Variants in GUCY1B1 observed in about 807,000 individuals in gnomAD.
GUCY1B1 encodes guanylate cyclase soluble subunit beta-1.
A neutral mutation model predicts 71.0 loss-of-function variants in GUCY1B1; 43 were observed. The observed-to-expected ratio is 0.61, with a 90% CI of 0.47 to 0.78. The LOEUF is 0.78. Among genes scored for constraint, GUCY1B1 ranks in the 30% least tolerant of loss-of-function variants. The pLI is 0.00. For missense variants in GUCY1B1, 535 were observed against 754.1 expected, an observed-to-expected ratio of 0.71 and a Z score of 3.40; for synonymous variants, 266 against 259.7, an observed-to-expected ratio of 1.02 and a Z score of -0.23.
At chr4:155,795,926 G>C (rs1467929527) in intron 7 of GUCY1B1, among the ~76,000 whole-genome samples, 1 of 152,074 alleles carries the variant, frequency 6.6e-6, no homozygotes, top group Non-Finnish European at 1.5e-5. Context: ...CACGGTTTCT[G>C]TTCTTGGGAT....
chr4:155,777,437 A>G, intron 3 of GUCY1B1, 87 bp from the exon 4 acceptor site: 1 of 758,216 alleles, frequency 1.3e-6, no homozygotes, highest in Non-Finnish European at 2.3e-6. Flanking sequence ...ATTTTACATT[A>G]CTTAATAAAC....
rs1371106651 is a variant in GUCY1B1, at chr4:155,759,320, G to A, written c.3+177G>A. 8.2e-6 allele frequency: 5 copies of A among 609,256 alleles called. No individual in the cohort carries two copies. The East Asian group carries it at 1.6e-4, about 20-fold the overall frequency. The allele number at this position is 609,256 out of a possible 1,614,324, so 37.7% of individuals were successfully genotyped here. ...GTCAGGGGAGGTGGGAACGCCGCGA[G>A]TCGTGGCGGGGGCGATCGGTGCCTT... On this transcript the variant is annotated intron_variant, in intron 1 of 13. Coordinates refer to ENST00000264424, the MANE Select transcript of GUCY1B1 (RefSeq NM_000857.5).
chr4:155,803,556 TG>T, intron 10 of GUCY1B1, 67 bp from the exon 11 acceptor site: 1 of 1,118,380 alleles, frequency 8.9e-7, no homozygotes, highest in Non-Finnish European at 1.2e-6. Flanking sequence ...ATATGTTTTT[TG>T]TTAGGGTAAT....
chr4:155,800,357 T>C (rs1739859455), intron 9 of GUCY1B1, among the ~76,000 whole-genome samples: 1 of 152,222 alleles, frequency 6.6e-6, no homozygotes, highest in African/African-American at 2.4e-5. Flanking sequence ...CAAATTTAGT[T>C]CAAAAATTGA....
At chr4:155,787,935 A>G (rs923272434) in intron 4 of GUCY1B1, among the ~76,000 whole-genome samples, 6 of 152,160 alleles carry the variant, frequency 3.9e-5, no homozygotes, top group Admixed American at 3.3e-4. Context: ...CTTTCATTTT[A>G]GGTATGTTCT....
Position 155,759,785 on chromosome 4 carries a change from AGTACGGATTT to A in GUCY1B1, c.5_14del (p.Tyr2Ter). Reference sequence around the variant, plus strand: ...CGCTCAAGTCTCTCCCTGTCCCCGCAGTACGGATTTGTGAATCACGCCCTGGAGTTGCTGG... The same window carrying A: ...CGCTCAAGTCTCTCCCTGTCCCCGCAGTGAATCACGCCCTGGAGTTGCTGG... On this transcript the variant is annotated splice_acceptor_variant and coding_sequence_variant, in exon 2 of 14. Coordinates refer to ENST00000264424, the MANE Select transcript of GUCY1B1 (RefSeq NM_000857.5). LOFTEE classifies it high-confidence loss of function. The A allele has an allele frequency of 1.2e-6, 2 of 1,610,700 alleles. No individual in the cohort carries two copies. Among genetic ancestry groups the A allele is most frequent in the Non-Finnish European group, 1.7e-6 (2 of 1,177,212 alleles).
intron 11 of GUCY1B1, 53 bp from the exon 12 acceptor site, chr4:155,804,540 A>T: frequency 6.8e-7 from 1 of 1,467,906 alleles, no homozygotes; most frequent in Admixed American, 2.0e-5. Flanking sequence ...AAAAAAAAAA[A>T]AATTCATGTG....
At chr4:155,799,085 C>T (rs1414644913) in intron 8 of GUCY1B1, among the ~76,000 whole-genome samples, 1 of 152,170 alleles carries the variant, frequency 6.6e-6, no homozygotes, top group African/African-American at 2.4e-5. Context: ...GGTCTGCCCA[C>T]CTCGCCTCCC....
At chr4:155,805,876 C>T (rs1308956052) in intron 13 of GUCY1B1, among the ~76,000 whole-genome samples, 1 of 152,158 alleles carries the variant, frequency 6.6e-6, no homozygotes, top group Non-Finnish European at 1.5e-5. Flanking sequence ...AGTGGAATCA[C>T]ACCTCTCATA....
intron 2 of GUCY1B1, among the ~76,000 whole-genome samples, chr4:155,766,685 A>T (rs1258835893): frequency 6.6e-6 from 1 of 152,186 alleles, no homozygotes; most frequent in African/African-American, 2.4e-5. Flanking sequence ...TAAGAACTCT[A>T]TTGTTAGAAT....
rs190941911 is a variant in GUCY1B1 at position 155,802,596 on chromosome 4, G to T, written c.1413+17G>T. On this transcript the variant is annotated intron_variant, in intron 10 of 13. Coordinates refer to ENST00000264424, the MANE Select transcript of GUCY1B1 (RefSeq NM_000857.5). This position sits in a 1 kb window ranked among gnomAD's most constrained non-coding sequence, Gnocchi z 4.3. ...GTTTATAAGGCAAGTGTTCTTTATCGCTGACTGCAGAGCTATCCAGAGGCT... is the reference window on the plus strand; with the variant it reads ...GTTTATAAGGCAAGTGTTCTTTATCTCTGACTGCAGAGCTATCCAGAGGCT... The T allele has an allele frequency of 3.6e-5, 55 of 1,546,846 alleles. No individual in the cohort carries two copies. In the East Asian group the frequency reaches 1.3e-3, roughly 35 times the overall value.
intron 3 of GUCY1B1, among the ~76,000 whole-genome samples, chr4:155,777,300 G>C (rs997865965): frequency 1.3e-5 from 2 of 152,112 alleles, no homozygotes; most frequent in African/African-American, 4.8e-5. Flanking sequence ...AAAACTGGTT[G>C]CTTTGCTTGT....
At position 155,777,513 on chromosome 4, in the gene GUCY1B1, T is replaced by C; in HGVS notation, c.179-11T>C. 1 of 1,424,322 alleles carries C rather than the reference T, an allele frequency of 7.0e-7. No homozygotes were observed. Among genetic ancestry groups the C allele is most frequent in the Non-Finnish European group, 9.9e-7 (1 of 1,007,744 alleles). 88.2% of individuals were successfully genotyped at this position (1,424,322 alleles called of 1,614,324 possible). A position where few individuals can be genotyped will look rare whatever the true frequency, so the allele number is the denominator to read the frequency against. ...ATATGCTTTTTTTCCCCTCTTGAAT[T>C]TGTAAAATAGATCTCAATGCTGGAG... On this transcript the variant is annotated splice_polypyrimidine_tract_variant and intron_variant, in intron 3 of 13. Coordinates refer to ENST00000264424, the MANE Select transcript of GUCY1B1 (RefSeq NM_000857.5).
At chr4:155,784,977 G>A (rs1340600962) in intron 4 of GUCY1B1, among the ~76,000 whole-genome samples, 1 of 152,106 alleles carries the variant, frequency 6.6e-6, no homozygotes, top group African/African-American at 2.4e-5. Flanking sequence ...CTAAATCTGT[G>A]AAGTGTACTA....
chr4:155,787,019 A>C (rs1013275842), intron 4 of GUCY1B1, among the ~76,000 whole-genome samples: 2 of 152,194 alleles, frequency 1.3e-5, no homozygotes, highest in African/African-American at 4.8e-5. Context: ...AATGCAGATA[A>C]AAATAAAACT....
rs751487005 is a variant in GUCY1B1, at chr4:155,804,577, G to A, written c.1555-16G>A. On this transcript the variant is annotated splice_polypyrimidine_tract_variant and intron_variant, in intron 11 of 13. Transcript: ENST00000264424. ...TAGTGATCAAAATGATTGAAGCAAAGCTTTCTTTTTTGCAGATAACAATAG... is the reference window on the plus strand; with the variant it reads ...TAGTGATCAAAATGATTGAAGCAAAACTTTCTTTTTTGCAGATAACAATAG... 6.3e-7 allele frequency: 1 copy of A among 1,591,734 alleles called. No individual in the cohort carries two copies. Among genetic ancestry groups the A allele is most frequent in the Admixed American group, 1.8e-5 (1 of 56,240 alleles).
intron 5 of GUCY1B1, among the ~76,000 whole-genome samples, chr4:155,792,763 G>T (rs1739266783): frequency 6.6e-6 from 1 of 151,914 alleles, no homozygotes; most frequent in Non-Finnish European, 1.5e-5. Context: ...TTTTCCCTTT[G>T]TAAGAGGGCT....
At chr4:155,781,023 G>C (rs1043503766) in intron 4 of GUCY1B1, among the ~76,000 whole-genome samples, 1 of 152,074 alleles carries the variant, frequency 6.6e-6, no homozygotes, top group African/African-American at 2.4e-5. Flanking sequence ...GAATTTCCTT[G>C]GAAGTTGCCT....
chr4:155,772,129 A>G (rs1015161724), intron 2 of GUCY1B1, among the ~76,000 whole-genome samples: 5 of 152,162 alleles, frequency 3.3e-5, no homozygotes, highest in African/African-American at 9.7e-5. Flanking sequence ...TAATTTTTTG[A>G]TATCTCACTG....
Sources: gnomAD v4.1 joint callset for allele counts (sites outside exome capture counted in the v4.1 genomes callset) on GRCh38, gnomAD v4.1.1 for gene constraint, Gnocchi (gnomAD v3.1) non-coding constraint, MANE v1.5 for transcripts, NCBI Gene and HGNC (gene_info 2026-07-23, HGNC 2026-07-21) for gene names.